RBBP8: variants seen among roughly 807,000 people sequenced by gnomAD.
The protein encoded by RBBP8 is DNA endonuclease RBBP8.
A neutral mutation model predicts 108.3 loss-of-function variants in RBBP8; 88 were observed. The ratio of observed to expected loss-of-function variants is 0.81; its 90% confidence interval spans 0.68 to 0.97. RBBP8 has a LOEUF of 0.97. Ranked by LOEUF, RBBP8 falls within the 50% of genes least tolerant of loss-of-function variation. The pLI is 0.00. For synonymous variants in RBBP8, 332 were observed against 348.2 expected (o/e 0.95, Z 0.52); for missense variants, 1,023 against 1,049.0 (o/e 0.98, Z 0.34).
intron 5 of RBBP8, among the ~76,000 whole-genome samples, chr18:22,971,809 C>G (rs2144606729): frequency 6.6e-6 from 1 of 151,558 alleles, no homozygotes; most frequent in Non-Finnish European, 1.5e-5. Context: ...CCACGCCCAG[C>G]TAATTTTTTG....
Position 22,996,392 on chromosome 18 carries a change from T to C in RBBP8, c.1958T>C (p.Ile653Thr), listed in dbSNP as rs199641400. ...QNNQDVSFEN[I>T]QWSIDPGADL... ...ACCTAAGATGTATCCTTTGAAAATATCCAGTGGAGTATAGATCCGGGAGCA... is the reference window on the plus strand; with the variant it reads ...ACCTAAGATGTATCCTTTGAAAATACCCAGTGGAGTATAGATCCGGGAGCA... The change falls in exon 13 of 19, where the codon ATC becomes ACC. Residue 653 changes from isoleucine to threonine, a missense_variant. By Grantham distance (89) the Ile-to-Thr change is moderately conservative. Coordinates refer to ENST00000327155, the MANE Select transcript of RBBP8 (RefSeq NM_002894.3). The C allele has an allele frequency of 1.4e-5, 23 of 1,613,564 alleles. No homozygotes were observed. Among genetic ancestry groups the C allele is most frequent in the Admixed American group, 3.3e-5 (2 of 59,998 alleles).
At chr18:22,985,087 A>G in intron 8 of RBBP8, 97 bp downstream of exon 8, 1 of 1,508,126 alleles carries the variant, frequency 6.6e-7, no homozygotes, top group Admixed American at 2.0e-5. Flanking sequence ...TTTTAAAGGT[A>G]TTTTCCATAT....
chr18:22,969,818 T>C (rs1051486520), intron 5 of RBBP8, among the ~76,000 whole-genome samples: 8 of 151,390 alleles, frequency 5.3e-5, no homozygotes, highest in African/African-American at 1.7e-4. Context: ...CTTTAGACTA[T>C]GTCTTGGAAG....
At chr18:22,915,250 G>A (rs1156828487) in intron 1 of RBBP8, among the ~76,000 whole-genome samples, 1 of 152,102 alleles carries the variant, frequency 6.6e-6, no homozygotes, top group African/African-American at 2.4e-5. Context: ...CAAGACTGAT[G>A]CATCCTTTTC....
At chr18:22,951,761 G>C (rs1912065073) in intron 4 of RBBP8, among the ~76,000 whole-genome samples, 1 of 152,060 alleles carries the variant, frequency 6.6e-6, no homozygotes, top group African/African-American at 2.4e-5. Context: ...CCCCTCCTCG[G>C]GTTATATTTA....
intron 18 of RBBP8, among the ~76,000 whole-genome samples, chr18:23,022,668 T>TAATAAAATAAAATAATAA (rs1555650193): frequency 7.4e-6 from 1 of 136,030 alleles, no homozygotes; most frequent in Admixed American, 7.2e-5. Context: ...TAAAATAAAA[T>TAATAAAATAAAATAATAA]AAATAACTGT....
rs1297633723 is a variant in RBBP8 at position 22,946,481 on chromosome 18, A to T, written c.147A>T (p.Arg49=). The change falls in exon 3 of 19, where the codon CGA becomes CGT. Residue 49 remains arginine (R), a synonymous_variant. Transcript: ENST00000327155. ...QVKVTKLKQE[R]ILDAQRLEEF... ...AAGTAACCAAGCTAAAACAGGAACG[A>T]ATCTTGTAAGTATCAGTATGTAATA... 1.2e-6 allele frequency: 2 copies of T among 1,612,612 alleles called. No homozygotes were observed. The highest frequency in any genetic ancestry group is 1.7e-6 in the Non-Finnish European group (2 of 1,179,200).
chr18:23,012,629 A>T (rs1184734403), intron 16 of RBBP8, among the ~76,000 whole-genome samples: 1 of 152,218 alleles, frequency 6.6e-6, no homozygotes, highest in Admixed American at 6.5e-5. Context: ...TTGGTTCATG[A>T]GGTTTAAGGA....
chr18:22,923,742 A>T (rs1909689122), intron 3 of RBBP8, among the ~76,000 whole-genome samples: 1 of 152,092 alleles, frequency 6.6e-6, no homozygotes. Flanking sequence ...AGCACTTCCT[A>T]CTCTGTCCCT....
chr18:22,917,488 C>T (rs147286463), intron 3 of RBBP8, among the ~76,000 whole-genome samples: 6 of 152,302 alleles, frequency 3.9e-5, no homozygotes, highest in African/African-American at 1.4e-4. Context: ...TCATGTAAAA[C>T]ACTTCACATA....
At chr18:22,985,660 T>G in intron 8 of RBBP8, among the ~76,000 whole-genome samples, 1 of 151,910 alleles carries the variant, frequency 6.6e-6, no homozygotes, top group Non-Finnish European at 1.5e-5. Flanking sequence ...CGCAGGTGTA[T>G]AGGTTGGGGC....
intron 5 of RBBP8, among the ~76,000 whole-genome samples, chr18:22,971,132 A>G (rs891746929): frequency 3.1e-5 from 4 of 130,662 alleles, no homozygotes; most frequent in Non-Finnish European, 4.8e-5. Context: ...TGAAATGAGC[A>G]TGCCAGGAGA....
chr18:22,942,822 T>C (rs907179563), intron 2 of RBBP8, among the ~76,000 whole-genome samples: 2 of 152,084 alleles, frequency 1.3e-5, no homozygotes, highest in African/African-American at 4.8e-5. Flanking sequence ...TAAAATAGAA[T>C]TTAAAATATT....
Position 23,026,262 on chromosome 18 carries a change from G to A in RBBP8, c.*22G>A, listed in dbSNP as rs771152325. ...ATAGACGTTGAAACAGAAACAGAAGGATGAAGGACAGTTTTTTCCTTCTTA... is the reference window on the plus strand; with the variant it reads ...ATAGACGTTGAAACAGAAACAGAAGAATGAAGGACAGTTTTTTCCTTCTTA... On this transcript the variant is annotated 3_prime_UTR_variant, in exon 19 of 19. Coordinates refer to ENST00000327155, the MANE Select transcript of RBBP8 (RefSeq NM_002894.3). The A allele has an allele frequency of 6.6e-5, 105 of 1,587,726 alleles. No individual in the cohort carries two copies. Among genetic ancestry groups the A allele is most frequent in the Non-Finnish European group, 8.6e-5 (100 of 1,156,778 alleles).
intron 2 of RBBP8, among the ~76,000 whole-genome samples, chr18:22,944,097 G>C (rs947279777): frequency 6.6e-6 from 1 of 152,154 alleles, no homozygotes; most frequent in Non-Finnish European, 1.5e-5. Context: ...CATTCCTTCC[G>C]ATGGGTGTGG....
intron 4 of RBBP8, among the ~76,000 whole-genome samples, chr18:22,954,733 C>T (rs1003144422): frequency 1.3e-5 from 2 of 152,188 alleles, no homozygotes; most frequent in Non-Finnish European, 1.5e-5. Context: ...CCCTCCCACA[C>T]AGTTCCACAT....
Position 22,944,937 on chromosome 18 carries a change from A to G in RBBP8, c.110-1507A>G, listed in dbSNP as rs188984611. ...ATTTGTCTAAATTATGTTGTCCAAA[A>G]GATTGTATCAAGTTTAACAAATAAA... On this transcript the variant is annotated intron_variant, in intron 2 of 18. Transcript: ENST00000327155. 5.9e-3 allele frequency among the ~76,000 whole-genome samples: 898 copies of G among 152,364 alleles called. 10 individuals carry two copies. The highest frequency in any genetic ancestry group is 0.029 in the South Asian group (138 of 4,830).
Position 22,993,436 on chromosome 18 carries a change from A to G in RBBP8, c.1609A>G (p.Lys537Glu), listed in dbSNP as rs1416099070. The G allele has an allele frequency of 6.2e-7, 1 of 1,614,136 alleles. No individual in the cohort carries two copies. The highest frequency in any genetic ancestry group is 8.5e-7 in the Non-Finnish European group (1 of 1,180,052). The change falls in exon 11 of 19, where the codon AAG (lysine) becomes GAG (glutamate). Residue 537 changes from lysine to glutamate, a missense_variant. Physicochemically the swap from Lys to Glu is moderately conservative, Grantham distance 56. Transcript: ENST00000327155. ...TIPKGFSSSR[K>E]ASDGNCTLPK... ...TCCAAAGGGCTTTTCCTCAAGCCGTAAGGCCTCAGATGGCAACTGCACGTT... is the reference window on the plus strand; with the variant it reads ...TCCAAAGGGCTTTTCCTCAAGCCGTGAGGCCTCAGATGGCAACTGCACGTT...
intron 16 of RBBP8, among the ~76,000 whole-genome samples, chr18:23,006,795 C>A (rs990803840): frequency 6.6e-6 from 1 of 152,144 alleles, no homozygotes; most frequent in African/African-American, 2.4e-5. Context: ...AGCCACCACA[C>A]CTGGCCAGTC....
Sources: allele counts gnomAD v4.1 joint callset (sites outside exome capture counted in the v4.1 genomes callset), GRCh38; gene constraint gnomAD v4.1.1; transcripts MANE v1.5; gene names NCBI Gene and HGNC (gene_info 2026-07-23, HGNC 2026-07-21).